Variants in ITGB5 observed in about 807,000 individuals in gnomAD.
ITGB5 encodes integrin subunit beta 5, also known as integrin beta-5.
ITGB5 carries 38 observed loss-of-function variants against 84.8 expected under a neutral mutation model. That is an observed-to-expected ratio of 0.45 (90% CI 0.35 to 0.59). The LOEUF (loss-of-function observed/expected upper bound fraction) is 0.59. ITGB5 is among the 20% of genes least tolerant of loss of function. ITGB5 has a pLI of 0.01. For synonymous variants in ITGB5, 393 were observed against 414.4 expected, an observed-to-expected ratio of 0.95 and a Z score of 0.63; for missense variants, 905 against 1,034.5, an observed-to-expected ratio of 0.87 and a Z score of 1.72.
chr3:124,816,700 C>A (rs931103032), intron 8 of ITGB5, among the ~76,000 whole-genome samples: 1 of 151,898 alleles, frequency 6.6e-6, no homozygotes, highest in Non-Finnish European at 1.5e-5. Context: ...TGTTATGAAT[C>A]GAGGGAAAGG....
chr3:124,765,068 G>C (rs887544884), intron 13 of ITGB5, among the ~76,000 whole-genome samples: 7 of 152,192 alleles, frequency 4.6e-5, no homozygotes, highest in Non-Finnish European at 1.0e-4. Context: ...TCTTACAGGC[G>C]TGCATCCTAG....
intron 1 of ITGB5, among the ~76,000 whole-genome samples, chr3:124,885,600 G>A (rs780839956): frequency 5.9e-5 from 9 of 152,196 alleles, no homozygotes; most frequent in Non-Finnish European, 1.0e-4. Flanking sequence ...TGGAGCAGGG[G>A]AGCGTTGACA....
At chr3:124,805,036 GCCCTGCCCTGCCCTCCCT>G (rs772464105) in intron 9 of ITGB5, among the ~76,000 whole-genome samples, 5 of 144,048 alleles carry the variant, frequency 3.5e-5, no homozygotes, top group Non-Finnish European at 7.6e-5. Flanking sequence ...CTTTTGCCCT[GCCCTGCCCTGCCCTCCCT>G]CCCTGCCCTG....
chr3:124,769,070 TGTCAGG>T lies in ITGB5; in HGVS notation c.1954_1959del (p.Pro652_Asp653del). 1 of 1,614,054 alleles carries T rather than the reference TGTCAGG, an allele frequency of 6.2e-7. No homozygotes were observed. ...CTGCATAGGCTGTGGCAGGTCTGGTTGTCAGGTTTCCCAGAGTGGAGCAGCAGGCAC... is the reference window on the plus strand; with the variant it reads ...CTGCATAGGCTGTGGCAGGTCTGGTTTTTCCCAGAGTGGAGCAGCAGGCAC... On this transcript the variant is annotated inframe_deletion, in exon 12 of 15. Transcript: ENST00000296181.
chr3:124,775,354 ATG>A (rs1054678956), intron 10 of ITGB5, among the ~76,000 whole-genome samples: 8 of 150,286 alleles, frequency 5.3e-5, no homozygotes, highest in Middle Eastern at 3.2e-3. Flanking sequence ...GTGAGGGAGG[ATG>A]TGTGTGAGTG....
intron 9 of ITGB5, among the ~76,000 whole-genome samples, chr3:124,802,216 G>A (rs1299146232): frequency 1.3e-5 from 2 of 152,178 alleles, no homozygotes; most frequent in Non-Finnish European, 2.9e-5. Flanking sequence ...CACGGGATTT[G>A]GTACATAAAC....
chr3:124,801,211 G>A (rs1039745568), intron 9 of ITGB5, among the ~76,000 whole-genome samples: 5 of 152,214 alleles, frequency 3.3e-5, no homozygotes, highest in Admixed American at 6.5e-5. Flanking sequence ...GTCTGTGCTA[G>A]CCTCACAGCC....
chr3:124,794,404 AAAAAT>A (rs1373002678), intron 10 of ITGB5, among the ~76,000 whole-genome samples: 1 of 152,226 alleles, frequency 6.6e-6, no homozygotes, highest in East Asian at 1.9e-4. Context: ...CACAGTTCTA[AAAAAT>A]AAAATAAATT....
rs1478927370 is a variant in ITGB5 at position 124,762,618 on chromosome 3, A to AGAGAT, written c.*1000_*1004dup. On this transcript the variant is annotated 3_prime_UTR_variant, in exon 15 of 15. Transcript: ENST00000296181. Reference sequence around the variant, plus strand: ...GAACTGCTATTGCTAATGATGATTAAGAGATGACTTCGTGTGGGAACCACC... The same window carrying AGAGAT: ...GAACTGCTATTGCTAATGATGATTAAGAGATGAGATGACTTCGTGTGGGAACCACC... The AGAGAT allele has an allele frequency of 1.3e-5, 2 of 152,248 alleles. No homozygotes were observed. The highest frequency in any genetic ancestry group is 2.9e-5 in the Non-Finnish European group (2 of 68,052). The allele number at this position is 152,248 out of a possible 1,614,324, so 9.4% of individuals were successfully genotyped here.
intron 1 of ITGB5, among the ~76,000 whole-genome samples, chr3:124,874,436 A>C (rs1934213408): frequency 6.6e-6 from 1 of 152,210 alleles, no homozygotes; most frequent in Admixed American, 6.6e-5. Flanking sequence ...CAGTCTAAAA[A>C]TTTAATTCAC....
At chr3:124,777,950 T>C (rs572374382) in intron 10 of ITGB5, among the ~76,000 whole-genome samples, 7 of 152,282 alleles carry the variant, frequency 4.6e-5, no homozygotes, top group Admixed American at 2.6e-4. Flanking sequence ...GAGGAACACA[T>C]GTCATCAAAA....
chr3:124,872,240 G>A (rs1177071299), intron 2 of ITGB5, among the ~76,000 whole-genome samples: 3 of 152,196 alleles, frequency 2.0e-5, no homozygotes, highest in African/African-American at 7.2e-5. Flanking sequence ...GCAAGCAAGA[G>A]GCCATATAGT....
rs572103784 is a variant in ITGB5 at position 124,774,785 on chromosome 3, A to ACAG, written c.1694-876_1694-874dup. Among the ~76,000 whole-genome samples the ACAG allele has an allele frequency of 9.4e-4, 143 of 152,070 alleles. 2 individuals carry two copies. In the Middle Eastern group the frequency reaches 0.014, roughly 15 times the overall value. ...GATGATTTAGGAGCAGATGCTGAGAACAGCAGCAGCAGCAGCAGCAGCTAA... is the reference window on the plus strand; with the variant it reads ...GATGATTTAGGAGCAGATGCTGAGAACAGCAGCAGCAGCAGCAGCAGCAGCTAA... On this transcript the variant is annotated intron_variant, in intron 10 of 14. Transcript: ENST00000296181.
At chr3:124,781,169 A>C (rs902036169) in intron 10 of ITGB5, 1 of 152,196 alleles carries the variant, frequency 6.6e-6, no homozygotes, top group Non-Finnish European at 1.5e-5. Flanking sequence ...GGCCAACCAC[A>C]GTCCTCTCTG....
intron 8 of ITGB5, among the ~76,000 whole-genome samples, chr3:124,815,463 A>G (rs1440427623): frequency 6.6e-6 from 1 of 152,226 alleles, no homozygotes; most frequent in Non-Finnish European, 1.5e-5. Context: ...AGCCCAGATG[A>G]GCTGCTCTTC....
At chr3:124,865,667 T>C (rs2107628598) in intron 2 of ITGB5, among the ~76,000 whole-genome samples, 1 of 151,952 alleles carries the variant, frequency 6.6e-6, no homozygotes, top group South Asian at 2.1e-4. Flanking sequence ...TTTACTTTTT[T>C]TGTAGAGACC....
upstream of ITGB5, among the ~76,000 whole-genome samples, chr3:124,890,007 A>AC (rs1361490536): frequency 5.3e-5 from 8 of 150,782 alleles, no homozygotes; most frequent in African/African-American, 2.0e-4. Context: ...ACAAAGCGAG[A>AC]CTCTGTCTCA....
intron 2 of ITGB5, among the ~76,000 whole-genome samples, chr3:124,868,351 G>A (rs1406713024): frequency 6.6e-6 from 1 of 152,160 alleles, no homozygotes; most frequent in Non-Finnish European, 1.5e-5. Context: ...GCTGCAGAGA[G>A]GCAGGGGCAG....
chr3:124,873,601 G>C, intron 1 of ITGB5, 70 bp from the exon 2 acceptor site: 8 of 1,146,798 alleles, frequency 7.0e-6, no homozygotes, highest in East Asian at 4.7e-5. Context: ...CCTTTGAATA[G>C]GGGGAATTAC....
Sources: gnomAD v4.1 joint callset for allele counts (sites outside exome capture counted in the v4.1 genomes callset) on GRCh38, gnomAD v4.1.1 for gene constraint, MANE v1.5 for transcripts, NCBI Gene and HGNC (gene_info 2026-07-23, HGNC 2026-07-21) for gene names.